Variants in MYCBP2 observed in about 807,000 individuals in gnomAD.
MYCBP2 encodes the protein E3 ubiquitin-protein ligase MYCBP2.
Under a neutral mutation model 525.3 loss-of-function variants are expected in MYCBP2, and 120 were observed. The observed-to-expected ratio is 0.23, with a 90% CI of 0.20 to 0.27. The LOEUF (loss-of-function observed/expected upper bound fraction) is 0.27, where lower values mean the gene tolerates loss of function less well. Ranked by LOEUF, MYCBP2 falls within the 10% of genes least tolerant of loss-of-function variation. The pLI, the probability that MYCBP2 is intolerant of heterozygous loss-of-function variation, is 1.00. For missense variants in MYCBP2, 4,149 were observed against 5,657.1 expected (o/e 0.73, Z 8.55); for synonymous variants, 1,894 against 1,955.8 (o/e 0.97, Z 0.83).
intron 1 of MYCBP2, among the ~76,000 whole-genome samples, chr13:77,324,906 T>C (rs2082110295): frequency 6.6e-6 from 1 of 152,220 alleles, no homozygotes; most frequent in Non-Finnish European, 1.5e-5. Flanking sequence ...GTGCCATAAT[T>C]TAGAGATTTA....
intron 13 of MYCBP2, among the ~76,000 whole-genome samples, chr13:77,258,722 T>A (rs1821305990): frequency 6.6e-6 from 1 of 152,146 alleles, no homozygotes. Flanking sequence ...TGTATATATA[T>A]AAAACAGTAG....
chr13:77,256,581 C>T (rs1015108486), intron 14 of MYCBP2, among the ~76,000 whole-genome samples: 2 of 152,070 alleles, frequency 1.3e-5, no homozygotes, highest in Admixed American at 6.6e-5. Context: ...TCTGAATAGA[C>T]ATTTTTCAAA....
chr13:77,127,055 T>G (rs1274749232), intron 52 of MYCBP2, among the ~76,000 whole-genome samples: 10 of 152,082 alleles, frequency 6.6e-5, no homozygotes, highest in African/African-American at 1.9e-4. Context: ...ATGAAAAATA[T>G]GCATTAAAAA....
intron 13 of MYCBP2, among the ~76,000 whole-genome samples, chr13:77,258,439 T>G (rs61964711): frequency 0.025 from 3,764 of 152,212 alleles, 81 homozygotes; most frequent in Non-Finnish European, 0.044. Flanking sequence ...CTAAATTGAT[T>G]GAAGCATCTT....
chr13:77,228,587 TATAAAAAATTAAACATTGTCA>T (rs1436393753), intron 18 of MYCBP2, among the ~76,000 whole-genome samples: 2 of 151,932 alleles, frequency 1.3e-5, no homozygotes, highest in Non-Finnish European at 2.9e-5. Context: ...CTTAGATCTA[TATAAAAAATTAAACATTGTCA>T]ATAAAAAATT....
intron 44 of MYCBP2, among the ~76,000 whole-genome samples, chr13:77,159,480 T>C (rs2057612004): frequency 6.6e-6 from 1 of 152,086 alleles, no homozygotes; most frequent in Non-Finnish European, 1.5e-5. Flanking sequence ...TTATAAACCA[T>C]ATATGAACTC....
intron 52 of MYCBP2, among the ~76,000 whole-genome samples, chr13:77,138,892 GA>G (rs1485104644): frequency 2.6e-5 from 4 of 151,848 alleles, no homozygotes; most frequent in Admixed American, 1.3e-4. Flanking sequence ...AAATAAGAAA[GA>G]AAAAAATGTA....
At chr13:77,235,772 G>A (rs898825068) in intron 17 of MYCBP2, among the ~76,000 whole-genome samples, 1 of 152,044 alleles carries the variant, frequency 6.6e-6, no homozygotes, top group Non-Finnish European at 1.5e-5. Flanking sequence ...ACAAAAGGAG[G>A]CACACAAACT....
intron 48 of MYCBP2, among the ~76,000 whole-genome samples, chr13:77,145,200 G>A (rs2055332690): frequency 6.6e-6 from 1 of 152,058 alleles, no homozygotes; most frequent in Non-Finnish European, 1.5e-5. Flanking sequence ...AACTGCTGAT[G>A]TCAAAGTCAC....
chr13:77,112,654 G>A (rs180813472), intron 55 of MYCBP2, among the ~76,000 whole-genome samples: 1 of 152,032 alleles, frequency 6.6e-6, no homozygotes, highest in Non-Finnish European at 1.5e-5. Context: ...GTCTTGGCTG[G>A]TCTCAAACTC....
chr13:77,217,877 A>G lies in MYCBP2; in HGVS notation c.3020T>C (p.Leu1007Ser). ...TAGSNHTAVL[L>S]MDGQVFTFGS... is the part of the protein sequence containing the mutation. ...AAATGTGAAGACCTGTCCATCCATT[A>G]AAAGTACTGCCGTATGGTTGCTGCC... Residue 1007 changes from leucine to serine, a missense_variant, in exon 21 of 83, where the codon TTA becomes TCA. This residue lies in a region of MYCBP2 where 620 missense variants were observed against 795.5 expected (regional missense o/e 0.78). Coordinates refer to ENST00000544440, the MANE Select transcript of MYCBP2 (RefSeq NM_015057.5). 3 of 1,610,616 alleles carry G rather than the reference A, an allele frequency of 1.9e-6. No individual in the cohort carries two copies. The highest frequency in any genetic ancestry group is 1.7e-6 in the Non-Finnish European group (2 of 1,178,426).
At chr13:77,214,431 A>G (rs2064496717) in intron 21 of MYCBP2, among the ~76,000 whole-genome samples, 1 of 150,812 alleles carries the variant, frequency 6.6e-6, no homozygotes, top group Non-Finnish European at 1.5e-5. Flanking sequence ...TATACACACA[A>G]TGGGGTATTA....
intron 59 of MYCBP2, 23 bp from the exon 60 acceptor site, chr13:77,090,286 G>T: frequency 6.4e-7 from 1 of 1,571,144 alleles, no homozygotes; most frequent in South Asian, 1.2e-5. Context: ...CAATGCAACA[G>T]ATACAAACTC....
chr13:77,286,801 T>C (rs1280901347), intron 3 of MYCBP2, among the ~76,000 whole-genome samples: 1 of 113,702 alleles, frequency 8.8e-6, no homozygotes, highest in Non-Finnish European at 1.7e-5. Flanking sequence ...TATATATATA[T>C]ATATATATAT....
chr13:77,098,231 G>A lies in MYCBP2; in HGVS notation c.8923C>T (p.Pro2975Ser). 1 of 1,613,414 alleles carries A rather than the reference G, an allele frequency of 6.2e-7. No homozygotes were observed. Among genetic ancestry groups the A allele is most frequent in the Non-Finnish European group, 8.5e-7 (1 of 1,179,774 alleles). Residue 2975 changes from proline (P) to serine (S), a missense_variant, in exon 56 of 83, where the codon CCA (proline) becomes TCA (serine). Physicochemically the swap from Pro to Ser is moderately conservative, Grantham distance 74. Coordinates refer to ENST00000544440, the MANE Select transcript of MYCBP2 (RefSeq NM_015057.5). ...CTCATTTCCTGTTCATCTTTCAGTG[G>A]TGCTTTTCCAATGCTAAAATGAACT... ...NKVHFSIGKA[P>S]LKDEQEMRAS...
intron 3 of MYCBP2, among the ~76,000 whole-genome samples, chr13:77,286,246 T>C (rs953808436): frequency 1.3e-5 from 2 of 152,192 alleles, no homozygotes; most frequent in African/African-American, 4.8e-5. Context: ...CAATCCCTTG[T>C]GGATATGTAT....
In MYCBP2 at chr13:77,194,200, A is replaced by G; in HGVS notation, c.3888T>C (p.Gly1296=). The change falls in exon 27 of 83, where the codon GGT becomes GGC. Residue 1296 remains glycine, a synonymous_variant. Transcript: ENST00000544440. Reference sequence around the variant, plus strand: ...ATACATCAGTCTCTGCAAGAAGGTCACCATCAGTTTCATGATCTCCTCCAT... The same window carrying G: ...ATACATCAGTCTCTGCAAGAAGGTCGCCATCAGTTTCATGATCTCCTCCAT... ...GPDGGDHETD[G]DLLAETDVLA... The G allele has an allele frequency of 6.2e-7, 1 of 1,613,668 alleles. No individual in the cohort carries two copies. The highest frequency in any genetic ancestry group is 8.5e-7 in the Non-Finnish European group (1 of 1,179,714).
intron 33 of MYCBP2, 117 bp from the exon 34 acceptor site, chr13:77,180,435 T>C: frequency 1.2e-6 from 1 of 840,718 alleles, no homozygotes; most frequent in Non-Finnish European, 1.8e-6. Flanking sequence ...TCAGGGTCAA[T>C]TTCTACAAAT....
intron 15 of MYCBP2, among the ~76,000 whole-genome samples, chr13:77,247,329 G>A (rs1221995922): frequency 6.6e-6 from 1 of 151,978 alleles, no homozygotes; most frequent in Non-Finnish European, 1.5e-5. Context: ...ATATGAAAAG[G>A]AAATTACAGA....
Sources: gnomAD v4.1 joint callset for allele counts (sites outside exome capture counted in the v4.1 genomes callset) on GRCh38, gnomAD v4.1.1 for gene constraint, gnomAD v4.1.1 regional missense constraint, MANE v1.5 for transcripts, NCBI Gene and HGNC (gene_info 2026-07-23, HGNC 2026-07-21) for gene names.